NEDD4L: variants seen among roughly 807,000 people sequenced by gnomAD.
NEDD4L encodes NEDD4 like E3 ubiquitin protein ligase.
NEDD4L carries 54 observed loss-of-function variants against 148.9 expected under a neutral mutation model. The observed-to-expected ratio is 0.36, with a 90% CI of 0.29 to 0.45. The LOEUF (loss-of-function observed/expected upper bound fraction) is 0.45, where lower values mean the gene tolerates loss of function less well. Among genes scored for constraint, NEDD4L ranks in the 20% least tolerant of loss-of-function variants. The pLI is 1.00. For missense variants in NEDD4L, 856 were observed against 1,233.8 expected (o/e 0.69, Z 4.59); for synonymous variants, 433 against 440.7 (o/e 0.98, Z 0.22).
chr18:58,299,305 G>A (rs1005026394), intron 5 of NEDD4L, among the ~76,000 whole-genome samples: 1 of 152,212 alleles, frequency 6.6e-6, no homozygotes. Context: ...CCTTAGCAGG[G>A]TGAAGGGAGA....
At chr18:58,151,167 C>T (rs2034679872) in intron 1 of NEDD4L, among the ~76,000 whole-genome samples, 1 of 152,144 alleles carries the variant, frequency 6.6e-6, no homozygotes, top group Non-Finnish European at 1.5e-5. Flanking sequence ...CACAATATGC[C>T]TATAGACGGG....
intron 5 of NEDD4L, chr18:58,255,375 G>A: frequency 2.1e-6 from 1 of 481,820 alleles, no homozygotes; most frequent in Non-Finnish European, 3.1e-6. Flanking sequence ...GCTGGCATTG[G>A]AGGGGGAGAG....
At position 58,396,164 on chromosome 18, in the gene NEDD4L, C is replaced by T. The variant is rs543941564; in HGVS notation, c.2826-3C>T. 2.1e-5 allele frequency: 34 copies of T among 1,607,388 alleles called. No individual in the cohort carries two copies. In the East Asian group the frequency reaches 2.5e-4, roughly 12 times the overall value. ...TCACCTACACTTTTTGTTCCTTTTG[C>T]AGCTTTAATCGCCTTGACTTACCTC... On this transcript the variant is annotated splice_region_variant and splice_polypyrimidine_tract_variant and intron_variant, in intron 30 of 30. Transcript: ENST00000400345.
At chr18:58,282,267 A>G (rs909495497) in intron 5 of NEDD4L, among the ~76,000 whole-genome samples, 3 of 151,896 alleles carry the variant, frequency 2.0e-5, no homozygotes, top group African/African-American at 7.3e-5. Context: ...TGCTGTCATT[A>G]GCTGGTAAAT....
At chr18:58,276,575 A>G (rs948818510) in intron 5 of NEDD4L, among the ~76,000 whole-genome samples, 3 of 151,936 alleles carry the variant, frequency 2.0e-5, no homozygotes, top group African/African-American at 7.3e-5. Context: ...CTGTTTCCCT[A>G]TTTGTAAAAT....
Position 58,170,178 on chromosome 18 carries a change from G to T in NEDD4L, c.122+4317G>T, listed in dbSNP as rs965444876. Among the ~76,000 whole-genome samples, 11 of 151,888 alleles carry T rather than the reference G, an allele frequency of 7.2e-5. 1 individual carries two copies. The highest frequency in any genetic ancestry group is 3.4e-3 in the Middle Eastern group (1 of 294). On this transcript the variant is annotated intron_variant, in intron 2 of 30. Transcript: ENST00000400345. ...ATATGCCATGAAGTTGCTGCCTTTT[G>T]CCTTTGCCTGTGTTTTCCCCTCTGC...
chr18:58,372,844 A>G (rs1031990807), intron 23 of NEDD4L, among the ~76,000 whole-genome samples: 1 of 138,128 alleles, frequency 7.2e-6, no homozygotes. Flanking sequence ...AAAAAAAAAA[A>G]AAAGAGAGAG....
At position 58,062,662 on chromosome 18, in the gene NEDD4L, A is replaced by G. The variant is rs547514825; in HGVS notation, c.48+17954A>G. On this transcript the variant is annotated intron_variant, in intron 1 of 30. Coordinates refer to ENST00000400345, the MANE Select transcript of NEDD4L (RefSeq NM_001144967.3). The stretch of plus-strand genomic sequence containing the variant: ...ATGTTCATATTCGCATGTGTGGAGC[A>G]TGAAAGTACCAATAGAAAATTTTGA... 1.1e-4 allele frequency among the ~76,000 whole-genome samples: 16 copies of G among 152,304 alleles called. No homozygotes were observed. In the South Asian group the frequency reaches 1.2e-3, roughly 12 times the overall value.
rs192029244 is a variant in NEDD4L at position 58,161,029 on chromosome 18, T to C, written c.49-4759T>C. ...TTGTTTTTCTTTCTTTCTTTTTTTT[T>C]TCTTTGAGACAGGGTCTCACTCTGT... is the stretch of plus-strand genomic sequence containing the variant. On this transcript the variant is annotated intron_variant, in intron 1 of 30. Transcript: ENST00000400345. Among the ~76,000 whole-genome samples the C allele has an allele frequency of 4.5e-3, 690 of 152,204 alleles. 9 individuals carry two copies. The highest frequency in any genetic ancestry group is 0.016 in the African/African-American group (660 of 41,532).
intron 1 of NEDD4L, among the ~76,000 whole-genome samples, chr18:58,143,732 G>A (rs778069451): frequency 5.3e-5 from 8 of 152,304 alleles, no homozygotes; most frequent in Middle Eastern, 3.4e-3. Context: ...TCCTTCCTGC[G>A]GGTGGTCCCT....
chr18:58,291,758 T>C (rs1263699035), intron 5 of NEDD4L, among the ~76,000 whole-genome samples: 2 of 152,198 alleles, frequency 1.3e-5, no homozygotes, highest in African/African-American at 4.8e-5. Context: ...TTTTAACTGT[T>C]GATAAGTGAA....
At chr18:58,052,965 C>CA (rs1188790187) in intron 1 of NEDD4L, among the ~76,000 whole-genome samples, 1 of 151,524 alleles carries the variant, frequency 6.6e-6, no homozygotes, top group African/African-American at 2.4e-5. Flanking sequence ...GACTTTGTCT[C>CA]AAAAAAAAGC....
Position 58,059,068 on chromosome 18 carries a change from T to C in NEDD4L, c.48+14360T>C, listed in dbSNP as rs1269747125. The stretch of plus-strand genomic sequence containing the variant: ...TGAATTCTAATTTGTTTATGCAATA[T>C]AGATTACTCCTCCTATTTTCTTCTT... On this transcript the variant is annotated intron_variant, in intron 1 of 30. Transcript: ENST00000400345. Among the ~76,000 whole-genome samples the C allele has an allele frequency of 3.3e-5, 5 of 152,352 alleles. No homozygotes were observed. In the East Asian group the frequency reaches 5.8e-4, roughly 18 times the overall value.
chr18:58,151,625 A>ATATGTGTGTGTGTGTGTG lies in NEDD4L; in HGVS notation c.49-14162_49-14161insATGTGTGTGTGTGTGTGT, dbSNP rs1555709300. Among the ~76,000 whole-genome samples, 878 of 141,058 alleles carry ATATGTGTGTGTGTGTGTG rather than the reference A, an allele frequency of 6.2e-3. 16 individuals carry two copies. The highest frequency in any genetic ancestry group is 0.022 in the African/African-American group (831 of 37,458). The allele number at this position is 141,058 out of a possible 152,430, so 92.5% of individuals were successfully genotyped here. On this transcript the variant is annotated intron_variant, in intron 1 of 30. Transcript: ENST00000400345. ...GAAGATGAGGTAGCTGTGCCTGGAT[A>ATATGTGTGTGTGTGTGTG]TGTGTGTGTGTGTGTGTGTGTGTGT...
In NEDD4L at chr18:58,396,713, A is replaced by AT. The variant is rs11433892; in HGVS notation, c.*458dup. ...GTCTCATGTACTTGGAAAAGTGAGC[A>AT]TTTTTTTTTTTTTTGTATTTCACTT... On this transcript the variant is annotated 3_prime_UTR_variant, in exon 31 of 31. Transcript: ENST00000400345. 133,009 of 143,720 alleles carry AT rather than the reference A, an allele frequency of 0.93. 61,540 individuals are homozygous for AT. Among genetic ancestry groups the AT allele is most frequent in the Non-Finnish European group, 0.95 (62,816 of 66,056 alleles). The allele number at this position is 143,720 out of a possible 1,614,324, so 8.9% of individuals were successfully genotyped here.
intron 1 of NEDD4L, among the ~76,000 whole-genome samples, chr18:58,155,442 A>T (rs1457039808): frequency 1.3e-5 from 2 of 152,234 alleles, no homozygotes; most frequent in African/African-American, 4.8e-5. Flanking sequence ...TATGATTCAT[A>T]ACACAGGGAA....
At chr18:58,317,105 G>A (rs749189955) in intron 6 of NEDD4L, among the ~76,000 whole-genome samples, 18 of 152,222 alleles carry the variant, frequency 1.2e-4, no homozygotes, top group Non-Finnish European at 2.1e-4. Flanking sequence ...CTCACTCAGG[G>A]GAGCTGTTAA....
intron 24 of NEDD4L, among the ~76,000 whole-genome samples, chr18:58,375,759 C>T (rs8098033): frequency 0.31 from 47,827 of 151,944 alleles, 8,261 homozygotes; most frequent in African/African-American, 0.45. Flanking sequence ...TGCCAGTGCT[C>T]ATTGAGCAAA....
intron 1 of NEDD4L, among the ~76,000 whole-genome samples, chr18:58,157,257 C>T (rs2035621593): frequency 6.6e-6 from 1 of 150,996 alleles, no homozygotes; most frequent in Non-Finnish European, 1.5e-5. Flanking sequence ...CTTTTTGTGA[C>T]TTTTGCCTGT....
Sources: allele counts gnomAD v4.1 joint callset (sites outside exome capture counted in the v4.1 genomes callset), GRCh38; gene constraint gnomAD v4.1.1; transcripts MANE v1.5; gene names NCBI Gene and HGNC (gene_info 2026-07-23, HGNC 2026-07-21).